Variants in DCAF13 observed in about 807,000 individuals in gnomAD.
DCAF13 encodes the protein DDB1 and CUL4 associated factor 13, also known as DDB1- and CUL4-associated factor 13.
Under a neutral mutation model 59.0 loss-of-function variants are expected in DCAF13, and 38 were observed. The observed-to-expected ratio is 0.64, with a 90% CI of 0.50 to 0.84. DCAF13 has a LOEUF of 0.84. Ranked by LOEUF, DCAF13 falls within the 40% of genes least tolerant of loss-of-function variation. The pLI, the probability that DCAF13 is intolerant of heterozygous loss-of-function variation, is 0.00. For missense variants in DCAF13, 469 were observed against 558.4 expected (o/e 0.84, Z 1.61); for synonymous variants, 173 against 175.0 (o/e 0.99, Z 0.09).
chr8:103,441,323 C>T (rs1817007613), intron 9 of DCAF13, 132 bp from the exon 10 acceptor site: 11 of 733,644 alleles, frequency 1.5e-5, no homozygotes. Flanking sequence ...TTGTAAAGTG[C>T]AGAATTACAT....
chr8:103,417,578 CT>C (rs1816638300), intron 1 of DCAF13, among the ~76,000 whole-genome samples: 1 of 145,930 alleles, frequency 6.9e-6, no homozygotes, highest in African/African-American at 2.6e-5. Context: ...GGAGGCAGAG[CT>C]TGCAGTGAGC....
chr8:103,421,144 A>T, intron 3 of DCAF13, 62 bp downstream of exon 3: 2 of 1,158,774 alleles, frequency 1.7e-6, no homozygotes, highest in Non-Finnish European at 2.6e-6. Flanking sequence ...ATCTAATTGA[A>T]TACATTTTTT....
chr8:103,422,307 C>T (rs922807500), intron 3 of DCAF13, among the ~76,000 whole-genome samples: 32 of 152,114 alleles, frequency 2.1e-4, no homozygotes, highest in African/African-American at 7.7e-4. Context: ...GTCTGGAGCT[C>T]AGGAGGGAGG....
At chr8:103,425,795 A>T (rs752518262) in intron 3 of DCAF13, among the ~76,000 whole-genome samples, 6 of 152,182 alleles carry the variant, frequency 3.9e-5, no homozygotes, top group Non-Finnish European at 8.8e-5. Context: ...CATGTTTATC[A>T]CAATATGCAT....
chr8:103,430,567 T>C (rs763935874), intron 5 of DCAF13, 45 bp from the exon 6 acceptor site: 11 of 1,358,048 alleles, frequency 8.1e-6, no homozygotes, highest in Admixed American at 1.9e-5. Context: ...TGTGGTTTGC[T>C]GCCAGGTCTG....
At chr8:103,427,381 C>G in intron 5 of DCAF13, 129 bp downstream of exon 5, 1 of 824,948 alleles carries the variant, frequency 1.2e-6, no homozygotes, top group South Asian at 1.8e-5. Context: ...TCAGTTTTCC[C>G]GATTGTAAAT....
At position 103,427,201 on chromosome 8, in the gene DCAF13, A is replaced by C. The variant is rs755956803; in HGVS notation, c.573A>C (p.Ser191=). ...AACAAAGAACTAATCCTATATGTTC[A>C]ATGACCTGGGGATTTGACAGTATAA... ...WDEQRTNPIC[S]MTWGFDSISS... is the part of the protein sequence containing the mutation. Residue 191 remains serine, a synonymous_variant, in exon 5 of 11, where the codon TCA becomes TCC. Coordinates refer to ENST00000612750, the MANE Select transcript of DCAF13 (RefSeq NM_015420.7). 3 of 1,613,726 alleles carry C rather than the reference A, an allele frequency of 1.9e-6. No individual in the cohort carries two copies. The highest frequency in any genetic ancestry group is 2.5e-6 in the Non-Finnish European group (3 of 1,179,742).
rs3098238 is a variant in DCAF13, at chr8:103,420,403, T to C, written c.210T>C (p.Asn70=). ...ASLDGHRDGV[N]CLAKHPEKLA... ...TGGATGGTCACCGTGATGGAGTCAA[T>C]TGCTTGGCAAAGCATCCAGAGAAGC... Residue 70 remains asparagine, a synonymous_variant, in exon 2 of 11, where the codon AAT becomes AAC. Coordinates refer to ENST00000612750, the MANE Select transcript of DCAF13 (RefSeq NM_015420.7). 0.067 allele frequency: 108,820 copies of C among 1,613,996 alleles called. 4,069 individuals are homozygous for C. Among genetic ancestry groups the C allele is most frequent in the Non-Finnish European group, 0.079 (93,749 of 1,179,894 alleles).
rs758594833 is a variant in DCAF13 at position 103,415,403 on chromosome 8, T to G, written c.-44T>G. 1 of 1,613,942 alleles carries G rather than the reference T, an allele frequency of 6.2e-7. No individual in the cohort carries two copies. Among genetic ancestry groups the G allele is most frequent in the Non-Finnish European group, 8.5e-7 (1 of 1,179,964 alleles). On this transcript the variant is annotated 5_prime_UTR_variant, in exon 1 of 11. Coordinates refer to ENST00000612750, the MANE Select transcript of DCAF13 (RefSeq NM_015420.7). ...GGGAGGAGGTGGCGGTGGGCGGAAC[T>G]CCTAGCGGACACCTCGTGGAGTCCG... is the stretch of plus-strand genomic sequence containing the variant.
chr8:103,421,226 A>T (rs1281469482), intron 3 of DCAF13, 144 bp downstream of exon 3: 1 of 695,482 alleles, frequency 1.4e-6, no homozygotes, highest in Non-Finnish European at 2.6e-6. Flanking sequence ...AAACCTTGAA[A>T]ATTACTAGTT....
At chr8:103,438,191 A>G (rs1223505115) in intron 8 of DCAF13, among the ~76,000 whole-genome samples, 1 of 152,146 alleles carries the variant, frequency 6.6e-6, no homozygotes, top group African/African-American at 2.4e-5. Flanking sequence ...CTGCTTTGGA[A>G]AAAAGGGCTT....
chr8:103,433,597 C>T (rs531201032), intron 7 of DCAF13, among the ~76,000 whole-genome samples: 2 of 151,922 alleles, frequency 1.3e-5, no homozygotes, highest in Non-Finnish European at 2.9e-5. Context: ...GTAGTGTTAG[C>T]TCATAAAAGG....
chr8:103,435,843 A>G (rs1816925063), intron 8 of DCAF13, 53 bp downstream of exon 8: 3 of 1,567,562 alleles, frequency 1.9e-6, no homozygotes, highest in South Asian at 2.2e-5. Flanking sequence ...AACAATGGGG[A>G]TGCATTCTGA....
chr8:103,421,316 A>G (rs757452235), intron 3 of DCAF13: 5 of 622,010 alleles, frequency 8.0e-6, no homozygotes, highest in Non-Finnish European at 1.5e-5. Flanking sequence ...GGAATTAATG[A>G]GAGGTAAGTC....
At chr8:103,440,059 C>A in intron 8 of DCAF13, 77 bp from the exon 9 acceptor site, 2 of 1,188,644 alleles carry the variant, frequency 1.7e-6, no homozygotes, top group South Asian at 1.9e-5. Context: ...AAATAGTATC[C>A]TGATACTTAA....
At chr8:103,416,212 G>A (rs565397659) in intron 1 of DCAF13, among the ~76,000 whole-genome samples, 39 of 152,332 alleles carry the variant, frequency 2.6e-4, no homozygotes, top group Admixed American at 6.5e-4. Flanking sequence ...GTTTGAATGA[G>A]GAGTAAGCGA....
At chr8:103,417,970 AT>A (rs1284471135) in intron 1 of DCAF13, among the ~76,000 whole-genome samples, 2 of 151,780 alleles carry the variant, frequency 1.3e-5, no homozygotes, top group African/African-American at 4.8e-5. Flanking sequence ...ATACAAAAAA[AT>A]AAATAAATTA....
chr8:103,438,447 G>C (rs1489459239), intron 8 of DCAF13, among the ~76,000 whole-genome samples: 1 of 147,050 alleles, frequency 6.8e-6, no homozygotes, highest in South Asian at 2.1e-4. Flanking sequence ...TTGAGACAGA[G>C]TCTGGCTCTG....
chr8:103,427,315 A>G (rs1257409402), intron 5 of DCAF13, 63 bp downstream of exon 5: 1 of 1,436,208 alleles, frequency 7.0e-7, no homozygotes, highest in Non-Finnish European at 9.6e-7. Context: ...TCTGTTTAGA[A>G]AACTTTTGAA....
Sources: allele counts gnomAD v4.1 joint callset (sites outside exome capture counted in the v4.1 genomes callset), GRCh38; gene constraint gnomAD v4.1.1; transcripts MANE v1.5; gene names NCBI Gene and HGNC (gene_info 2026-07-23, HGNC 2026-07-21).